TLK1: variants seen among roughly 807,000 people sequenced by gnomAD.
TLK1 encodes the protein tousled like kinase 1, also known as serine/threonine-protein kinase tousled-like 1.
Under a neutral mutation model 105.3 loss-of-function variants are expected in TLK1, and 24 were observed. The observed-to-expected ratio is 0.23, with a 90% CI of 0.17 to 0.32. The LOEUF (loss-of-function observed/expected upper bound fraction) is 0.32. Among genes scored for constraint, TLK1 ranks in the 10% least tolerant of loss-of-function variants. TLK1 has a pLI of 1.00. For synonymous variants in TLK1, 321 were observed against 310.4 expected, an observed-to-expected ratio of 1.03 and a Z score of -0.36; for missense variants, 558 against 910.5, an observed-to-expected ratio of 0.61 and a Z score of 4.98.
chr2:171,086,618 T>A (rs1461559956), intron 2 of TLK1, among the ~76,000 whole-genome samples: 3 of 140,830 alleles, frequency 2.1e-5, no homozygotes, highest in African/African-American at 8.0e-5. Flanking sequence ...AGAGCAAGAC[T>A]CCGTCTCAAA....
rs759850128 is a variant in TLK1 at position 171,055,167 on chromosome 2, T to A, written c.555A>T (p.Arg185=). The change falls in exon 7 of 21, where the codon CGA becomes CGT. Residue 185 remains arginine (R), a synonymous_variant. Transcript: ENST00000431350. ...HSHSTPSSSV[R]PNSPSPTALA... ...ATGCAGTAGGAGAAGGGCTATTCGGTCGAACCTAAAGAAATTATTAAAATT... is the reference window on the plus strand; with the variant it reads ...ATGCAGTAGGAGAAGGGCTATTCGGACGAACCTAAAGAAATTATTAAAATT... 6.9e-7 allele frequency: 1 copy of A among 1,442,316 alleles called. No individual in the cohort carries two copies. Among genetic ancestry groups the A allele is most frequent in the East Asian group, 2.7e-5 (1 of 37,014 alleles). The allele number at this position is 1,442,316 out of a possible 1,614,324, so 89.3% of individuals were successfully genotyped here. A position where few individuals can be genotyped will look rare whatever the true frequency, so the allele number is the denominator to read the frequency against.
intron 1 of TLK1, among the ~76,000 whole-genome samples, chr2:171,140,163 C>T (rs1346034498): frequency 6.6e-6 from 1 of 152,058 alleles, no homozygotes; most frequent in Non-Finnish European, 1.5e-5. Context: ...AGAAGAAGAG[C>T]GTGGTTAAGA....
chr2:171,079,801 AAAAC>A (rs1328609569), intron 3 of TLK1, among the ~76,000 whole-genome samples: 7 of 152,196 alleles, frequency 4.6e-5, no homozygotes, highest in African/African-American at 1.7e-4. Context: ...AGGGTAGAAG[AAAAC>A]AAGAGGATTC....
intron 1 of TLK1, among the ~76,000 whole-genome samples, chr2:171,140,243 G>A (rs565372879): frequency 7.9e-5 from 12 of 152,292 alleles, no homozygotes; most frequent in South Asian, 6.2e-4. Context: ...AGCAAACAAG[G>A]ACTTTCTCCT....
intron 1 of TLK1, among the ~76,000 whole-genome samples, chr2:171,140,190 A>G (rs1013010832): frequency 7.2e-5 from 11 of 152,224 alleles, no homozygotes; most frequent in Non-Finnish European, 1.6e-4. Flanking sequence ...AAAGATTCAG[A>G]TTCACCCAAA....
At chr2:171,003,963 T>C (rs1415303089) in intron 18 of TLK1, among the ~76,000 whole-genome samples, 1 of 151,758 alleles carries the variant, frequency 6.6e-6, no homozygotes, top group African/African-American at 2.4e-5. Flanking sequence ...TTTTCAGTAT[T>C]TTTTTTTTCG....
At chr2:171,059,721 C>T (rs1233610408) in intron 4 of TLK1, among the ~76,000 whole-genome samples, 1 of 152,066 alleles carries the variant, frequency 6.6e-6, no homozygotes, top group Non-Finnish European at 1.5e-5. Flanking sequence ...CCACAGACTG[C>T]GGGGAGTAGG....
chr2:171,070,187 T>G (rs1421415140), intron 3 of TLK1, among the ~76,000 whole-genome samples: 1 of 151,424 alleles, frequency 6.6e-6, no homozygotes, highest in Admixed American at 6.6e-5. Context: ...TTTTAAATTT[T>G]TTTTTTTTAA....
intron 1 of TLK1, among the ~76,000 whole-genome samples, chr2:171,125,667 G>C (rs556448535): frequency 7.2e-5 from 11 of 152,184 alleles, no homozygotes; most frequent in Admixed American, 6.5e-4. Flanking sequence ...GTTCCAATAA[G>C]ACTTTATTTA....
chr2:171,042,714 A>G (rs1686744980), intron 11 of TLK1, among the ~76,000 whole-genome samples: 1 of 145,220 alleles, frequency 6.9e-6, no homozygotes. Flanking sequence ...AAACTGGTTA[A>G]AAAAAAAAAA....
chr2:171,006,019 G>A, intron 18 of TLK1, 128 bp downstream of exon 18: 1 of 931,844 alleles, frequency 1.1e-6, no homozygotes, highest in Non-Finnish European at 1.5e-6. Flanking sequence ...TCAACTGAGA[G>A]CTTAATATCA....
intron 1 of TLK1, among the ~76,000 whole-genome samples, chr2:171,227,959 T>C (rs1489511466): frequency 2.0e-5 from 3 of 152,122 alleles, no homozygotes; most frequent in Non-Finnish European, 2.9e-5. Flanking sequence ...GTGGATCACT[T>C]GAGGTCAGGA....
At chr2:171,078,079 C>G (rs779611789) in intron 3 of TLK1, among the ~76,000 whole-genome samples, 1 of 151,748 alleles carries the variant, frequency 6.6e-6, no homozygotes, top group Non-Finnish European at 1.5e-5. Flanking sequence ...TTCCTGAATT[C>G]CAGATATCTT....
rs189257542 is a variant in TLK1 at position 171,122,841 on chromosome 2, C to T, written c.140-4984G>A. On this transcript the variant is annotated intron_variant, in intron 1 of 20. Transcript: ENST00000431350. Reference sequence around the variant, plus strand: ...ATCACTTAAGGTCAGGAGTTCAAGACCAGCCTGGCCAACATGGTGAAACCC... The same window carrying T: ...ATCACTTAAGGTCAGGAGTTCAAGATCAGCCTGGCCAACATGGTGAAACCC... 6.7e-3 allele frequency among the ~76,000 whole-genome samples: 1,022 copies of T among 151,900 alleles called. 7 individuals are homozygous for T. Among genetic ancestry groups the T allele is most frequent in the South Asian group, 0.012 (58 of 4,796 alleles).
At chr2:171,108,449 G>A (rs1277523504) in intron 2 of TLK1, among the ~76,000 whole-genome samples, 2 of 151,984 alleles carry the variant, frequency 1.3e-5, no homozygotes, top group Non-Finnish European at 2.9e-5. Context: ...TGGAAAACAC[G>A]TAAAGTACAA....
intron 11 of TLK1, among the ~76,000 whole-genome samples, chr2:171,029,834 C>T (rs567406696): frequency 1.3e-5 from 2 of 152,234 alleles, no homozygotes; most frequent in South Asian, 2.1e-4. Flanking sequence ...GCACCTCCAC[C>T]TCCCAAATTC....
At chr2:171,146,678 T>G (rs957139075) in intron 1 of TLK1, among the ~76,000 whole-genome samples, 1 of 152,202 alleles carries the variant, frequency 6.6e-6, no homozygotes, top group Non-Finnish European at 1.5e-5. Context: ...ACATATCAAC[T>G]GAAACAAGAT....
At chr2:171,057,545 C>A (rs905558753) in intron 5 of TLK1, among the ~76,000 whole-genome samples, 1 of 152,010 alleles carries the variant, frequency 6.6e-6, no homozygotes, top group South Asian at 2.1e-4. Flanking sequence ...TTAGATTTTA[C>A]GAACCCAAGA....
chr2:171,208,909 C>T (rs971566145), intron 1 of TLK1, among the ~76,000 whole-genome samples: 10 of 152,164 alleles, frequency 6.6e-5, no homozygotes, highest in Admixed American at 2.6e-4. Context: ...TACATCTGTA[C>T]TTGTAGGAAA....
Sources: allele counts gnomAD v4.1 joint callset (sites outside exome capture counted in the v4.1 genomes callset), GRCh38; gene constraint gnomAD v4.1.1; transcripts MANE v1.5; gene names NCBI Gene and HGNC (gene_info 2026-07-23, HGNC 2026-07-21).